PI15: variants seen among roughly 807,000 people sequenced by gnomAD.
PI15 encodes 25 kDa trypsin inhibitor.
PI15 carries 18 observed loss-of-function variants against 31.0 expected under a neutral mutation model. The observed-to-expected ratio is 0.58, with a 90% confidence interval of 0.40 to 0.86. PI15 has a LOEUF of 0.86. Ranked by LOEUF, PI15 falls within the 40% of genes least tolerant of loss-of-function variation. The pLI is 0.00. For missense variants in PI15, 282 were observed against 328.1 expected, an observed-to-expected ratio of 0.86 and a Z score of 1.09; for synonymous variants, 118 against 119.1, an observed-to-expected ratio of 0.99 and a Z score of 0.06.
At position 74,825,481 on chromosome 8, in the gene PI15, C is replaced by T. The variant is rs1563563266; in HGVS notation, c.232C>T (p.Arg78Trp). 9.9e-6 allele frequency: 16 copies of T among 1,611,704 alleles called. No homozygotes were observed. Among genetic ancestry groups the T allele is most frequent in the Admixed American group, 1.7e-5 (1 of 59,804 alleles). The change falls in exon 2 of 6, where the codon CGG becomes TGG. Residue 78 changes from arginine to tryptophan, a missense_variant. Coordinates refer to ENST00000260113, the MANE Select transcript of PI15 (RefSeq NM_015886.5). ...IAILDYHNQV[R>W]GKVFPPAANM... ...CATTCTTGATTATCATAATCAAGTT[C>T]GGGGCAAAGTGTTCCCACCGGCAGC...
chr8:74,848,833 A>G (rs1199952707), intron 5 of PI15, among the ~76,000 whole-genome samples: 1 of 150,640 alleles, frequency 6.6e-6, no homozygotes, highest in Non-Finnish European at 1.5e-5. Flanking sequence ...TCCTGGGTTC[A>G]CGCCATTCTT....
rs186673920 is a variant in PI15, at chr8:74,828,679, C to T, written c.273+3157C>T. ...AGGACACCCCTCACTTGATACCTCA[C>T]AGATATATGTGCTGTGATCACCAGC... is the stretch of plus-strand genomic sequence containing the variant. On this transcript the variant is annotated intron_variant, in intron 2 of 5. Coordinates refer to ENST00000260113, the MANE Select transcript of PI15 (RefSeq NM_015886.5). Among the ~76,000 whole-genome samples the T allele has an allele frequency of 1.3e-3, 203 of 152,218 alleles. 1 individual carries two copies. Among genetic ancestry groups the T allele is most frequent in the Middle Eastern group, 3.4e-3 (1 of 294 alleles).
intron 2 of PI15, among the ~76,000 whole-genome samples, chr8:74,832,938 A>T (rs1361851697): frequency 1.3e-5 from 2 of 152,168 alleles, no homozygotes; most frequent in East Asian, 3.9e-4. Flanking sequence ...TCTAGTAAAA[A>T]GTGCATCAAA....
At position 74,849,430 on chromosome 8, in the gene PI15, A is replaced by G. The variant is rs926281518; in HGVS notation, c.*177A>G. The G allele has an allele frequency of 2.1e-6, 1 of 473,870 alleles. No homozygotes were observed. The highest frequency in any genetic ancestry group is 3.7e-6 in the Non-Finnish European group (1 of 273,390). The allele number at this position is 473,870 out of a possible 1,614,324, so 29.4% of individuals were successfully genotyped here. A position where few individuals can be genotyped will look rare whatever the true frequency, so the allele number is the denominator to read the frequency against. On this transcript the variant is annotated 3_prime_UTR_variant, in exon 6 of 6. Transcript: ENST00000260113. ...GCATGTTTGTTTAATCCTTTGAAAT[A>G]TTTGAAACATCAATTTCTATTTTCT...
intron 2 of PI15, among the ~76,000 whole-genome samples, chr8:74,837,663 T>C (rs182601506): frequency 4.6e-5 from 7 of 152,254 alleles, no homozygotes; most frequent in Non-Finnish European, 7.4e-5. Flanking sequence ...CAAATAGCCC[T>C]AGCTAAATTA....
At chr8:74,848,079 G>T (rs1210641001) in intron 5 of PI15, among the ~76,000 whole-genome samples, 1 of 152,142 alleles carries the variant, frequency 6.6e-6, no homozygotes, top group Non-Finnish European at 1.5e-5. Flanking sequence ...CTGTTAAGTG[G>T]AGATTTTGGT....
chr8:74,825,622 G>C, intron 2 of PI15, 100 bp downstream of exon 2: 2 of 928,920 alleles, frequency 2.2e-6, no homozygotes, highest in Non-Finnish European at 3.2e-6. Flanking sequence ...TATATGTCCG[G>C]GTATATGGAC....
Position 74,825,372 on chromosome 8 carries a change from A to G in PI15, c.123A>G (p.Glu41=), listed in dbSNP as rs1563563137. The G allele has an allele frequency of 1.9e-6, 3 of 1,613,552 alleles. No individual in the cohort carries two copies. Among genetic ancestry groups the G allele is most frequent in the African/African-American group, 1.3e-5 (1 of 74,970 alleles). ...SPPTNNFTDI[E]AALKAQLDSA... is the part of the protein sequence containing the mutation. ...CAACCAATAATTTCACTGATATTGAAGCAGCTCTGAAAGCACAATTAGATT... is the reference window on the plus strand; with the variant it reads ...CAACCAATAATTTCACTGATATTGAGGCAGCTCTGAAAGCACAATTAGATT... The change falls in exon 2 of 6, where the codon GAA becomes GAG. Residue 41 remains glutamate, a synonymous_variant. Transcript: ENST00000260113.
In PI15 at chr8:74,825,423, G is replaced by A. The variant is rs1810682120; in HGVS notation, c.174G>A (p.Arg58=). ...LDSADIPKAR[R]KRYISQNDMI... is the part of the protein sequence containing the mutation. The stretch of plus-strand genomic sequence containing the variant: ...CAGCGGATATCCCCAAAGCCAGGCG[G>A]AAGCGCTACATTTCGCAGAATGACA... Residue 58 remains arginine, a synonymous_variant, in exon 2 of 6, where the codon CGG becomes CGA. Transcript: ENST00000260113. 3.1e-6 allele frequency: 5 copies of A among 1,612,984 alleles called. No individual in the cohort carries two copies. The highest frequency in any genetic ancestry group is 4.2e-6 in the Non-Finnish European group (5 of 1,179,250).
intron 2 of PI15, among the ~76,000 whole-genome samples, chr8:74,836,348 G>C (rs552106525): frequency 6.6e-6 from 1 of 152,196 alleles, no homozygotes; most frequent in East Asian, 1.9e-4. Context: ...GAAGACTGAA[G>C]GAGTAGTTGA....
chr8:74,839,708 G>A (rs1810917845), intron 2 of PI15, among the ~76,000 whole-genome samples: 1 of 152,098 alleles, frequency 6.6e-6, no homozygotes, highest in Non-Finnish European at 1.5e-5. Context: ...GTATATATTA[G>A]GTGCTTAGTT....
rs1261227758 is a variant in PI15, at chr8:74,843,922, C to G, written c.274-59C>G. 3 of 826,644 alleles carry G rather than the reference C, an allele frequency of 3.6e-6. No individual in the cohort carries two copies. The African/African-American group carries it at 5.0e-5, about 14-fold the overall frequency. 51.2% of individuals were successfully genotyped at this position (826,644 alleles called of 1,614,324 possible). On this transcript the variant is annotated intron_variant, in intron 2 of 5. Coordinates refer to ENST00000260113, the MANE Select transcript of PI15 (RefSeq NM_015886.5). ...GAAATAGTAGCACCATTTATTTTGT[C>G]TTACTTTTTGTTTGTTATCAGCAAA...
At position 74,833,094 on chromosome 8, in the gene PI15, G is replaced by A. The variant is rs17292655; in HGVS notation, c.273+7572G>A. On this transcript the variant is annotated intron_variant, in intron 2 of 5. Transcript: ENST00000260113. The stretch of plus-strand genomic sequence containing the variant: ...CAAGTGGGCAATGGCAAGATATGAG[G>A]TTTGCAGGAGTATCACAGGAGAGTT... 1.6e-3 allele frequency among the ~76,000 whole-genome samples: 241 copies of A among 152,234 alleles called. 2 individuals are homozygous for A. Among genetic ancestry groups the A allele is most frequent in the Middle Eastern group, 0.01 (3 of 294 alleles).
chr8:74,835,832 C>T (rs762492759), intron 2 of PI15, among the ~76,000 whole-genome samples: 15 of 152,144 alleles, frequency 9.9e-5, no homozygotes, highest in Non-Finnish European at 1.9e-4. Flanking sequence ...CTTTTTTAAT[C>T]AACAAGCTAT....
chr8:74,828,223 G>A (rs1420727304), intron 2 of PI15, among the ~76,000 whole-genome samples: 1 of 152,094 alleles, frequency 6.6e-6, no homozygotes, highest in African/African-American at 2.4e-5. Context: ...TTTAACAAGT[G>A]TTCAAGGAAG....
chr8:74,848,685 AATATATAAATATATATACAAT>A lies in PI15; in HGVS notation c.642-415_642-395del, dbSNP rs1397612858. 7.5e-5 allele frequency among the ~76,000 whole-genome samples: 11 copies of A among 147,592 alleles called. No homozygotes were observed. The South Asian group carries it at 1.5e-3, about 20-fold the overall frequency. Reference sequence around the variant, plus strand: ...TTAATATAGCATCAACAATACTAAGAATATATAAATATATATACAATATATATAAATATATATATATATATA... The same window carrying A: ...TTAATATAGCATCAACAATACTAAGAATATATAAATATATATATATATATA... On this transcript the variant is annotated intron_variant, in intron 5 of 5. Coordinates refer to ENST00000260113, the MANE Select transcript of PI15 (RefSeq NM_015886.5).
chr8:74,834,920 T>C (rs1810839574), intron 2 of PI15, among the ~76,000 whole-genome samples: 2 of 152,192 alleles, frequency 1.3e-5, no homozygotes, highest in South Asian at 2.1e-4. Flanking sequence ...ACTAAGCTGC[T>C]TGTAGGTCAC....
At chr8:74,837,556 C>A (rs958262455) in intron 2 of PI15, among the ~76,000 whole-genome samples, 2 of 152,116 alleles carry the variant, frequency 1.3e-5, no homozygotes, top group Non-Finnish European at 2.9e-5. Context: ...CCTTTGACTG[C>A]CCTAAAGGAA....
intron 2 of PI15, among the ~76,000 whole-genome samples, chr8:74,833,554 C>T (rs1810818518): frequency 6.6e-6 from 1 of 152,022 alleles, no homozygotes; most frequent in Non-Finnish European, 1.5e-5. Flanking sequence ...AAGTGCACCT[C>T]ACTGCTTTTC....
Sources: allele counts gnomAD v4.1 joint callset (sites outside exome capture counted in the v4.1 genomes callset), GRCh38; gene constraint gnomAD v4.1.1; transcripts MANE v1.5; gene names NCBI Gene and HGNC (gene_info 2026-07-23, HGNC 2026-07-21).